SNTG1: variants seen among roughly 807,000 people sequenced by gnomAD.
SNTG1 encodes the protein gamma-1-syntrophin.
SNTG1 carries 39 observed loss-of-function variants against 74.7 expected under a neutral mutation model. The ratio of observed to expected loss-of-function variants is 0.52; its 90% CI spans 0.40 to 0.68. SNTG1 has a LOEUF of 0.68. Among genes scored for constraint, SNTG1 ranks in the 30% least tolerant of loss-of-function variants. SNTG1 has a pLI of 0.00. For missense variants in SNTG1, 685 were observed against 609.5 expected (o/e 1.12, Z -1.30); for synonymous variants, 254 against 217.1 (o/e 1.17, Z -1.49).
intron 13 of SNTG1, among the ~76,000 whole-genome samples, chr8:50,651,405 T>C (rs549220195): frequency 6.6e-6 from 1 of 152,276 alleles, no homozygotes; most frequent in South Asian, 2.1e-4. Flanking sequence ...CCCTCAAGTT[T>C]GATATTTCAT....
chr8:50,757,418 G>T (rs1054988417), intron 18 of SNTG1, among the ~76,000 whole-genome samples: 1 of 151,588 alleles, frequency 6.6e-6, no homozygotes. Flanking sequence ...TTTATTTACC[G>T]TTGCTTAATG....
chr8:50,413,771 T>C (rs1218926581), intron 4 of SNTG1, among the ~76,000 whole-genome samples: 1 of 152,176 alleles, frequency 6.6e-6, no homozygotes. Flanking sequence ...TTGTCTGCCC[T>C]CTGTGGACTC....
intron 15 of SNTG1, among the ~76,000 whole-genome samples, chr8:50,691,648 G>A (rs2095380109): frequency 6.6e-6 from 1 of 152,122 alleles, no homozygotes; most frequent in East Asian, 1.9e-4. Context: ...CCCTTTGTGG[G>A]TAACCCAACC....
At chr8:50,580,222 T>C (rs2094601542) in intron 12 of SNTG1, among the ~76,000 whole-genome samples, 2 of 152,204 alleles carry the variant, frequency 1.3e-5, no homozygotes, top group South Asian at 4.1e-4. Context: ...TTTTGACAAA[T>C]TTGTCCCATT....
At chr8:50,320,771 C>T (rs1275933422) in intron 2 of SNTG1, among the ~76,000 whole-genome samples, 2 of 151,928 alleles carry the variant, frequency 1.3e-5, no homozygotes, top group African/African-American at 4.8e-5. Context: ...TTCATTGACC[C>T]ACTCATCATT....
At chr8:49,943,158 A>G (rs551829881) in intron 1 of SNTG1, among the ~76,000 whole-genome samples, 21 of 152,276 alleles carry the variant, frequency 1.4e-4, no homozygotes, top group African/African-American at 4.8e-4. Flanking sequence ...ACCCTGTTCA[A>G]AAAGAAGTTG....
At chr8:50,068,546 A>G (rs1170572390) in intron 1 of SNTG1, among the ~76,000 whole-genome samples, 1 of 152,158 alleles carries the variant, frequency 6.6e-6, no homozygotes, top group Non-Finnish European at 1.5e-5. Context: ...GCCAGCCAGG[A>G]CAGTTCCTAG....
intron 1 of SNTG1, among the ~76,000 whole-genome samples, chr8:50,131,603 T>C (rs2081319800): frequency 1.3e-5 from 2 of 152,166 alleles, no homozygotes; most frequent in African/African-American, 4.8e-5. Flanking sequence ...GTCTAGGTTG[T>C]TTTCATATCT....
intron 1 of SNTG1, among the ~76,000 whole-genome samples, chr8:50,057,583 A>T (rs1339211990): frequency 6.6e-6 from 1 of 152,132 alleles, no homozygotes; most frequent in African/African-American, 2.4e-5. Context: ...CAAAATCTGT[A>T]AAATGGAGGT....
chr8:50,233,471 G>T (rs2085734804), intron 2 of SNTG1, among the ~76,000 whole-genome samples: 1 of 151,632 alleles, frequency 6.6e-6, no homozygotes, highest in Admixed American at 6.6e-5. Context: ...AAAACTTTGA[G>T]AATAAAATAT....
intron 4 of SNTG1, among the ~76,000 whole-genome samples, chr8:50,426,385 C>T (rs1278756151): frequency 6.6e-6 from 1 of 151,890 alleles, no homozygotes; most frequent in African/African-American, 2.4e-5. Flanking sequence ...TCTTAATGAT[C>T]CTGACCCTGT....
chr8:50,519,397 A>G (rs1019959682), intron 9 of SNTG1, among the ~76,000 whole-genome samples: 13 of 152,194 alleles, frequency 8.5e-5, no homozygotes, highest in African/African-American at 2.9e-4. Flanking sequence ...CCAGCACAAG[A>G]CAAGGATGCC....
intron 1 of SNTG1, among the ~76,000 whole-genome samples, chr8:50,110,689 A>G (rs937605498): frequency 6.6e-6 from 1 of 152,174 alleles, no homozygotes; most frequent in Non-Finnish European, 1.5e-5. Context: ...AAATATATTT[A>G]GTACACATTG....
chr8:50,333,557 T>C (rs1206991919), intron 2 of SNTG1, among the ~76,000 whole-genome samples: 1 of 152,236 alleles, frequency 6.6e-6, no homozygotes, highest in East Asian at 1.9e-4. Flanking sequence ...ACTTTCTTAT[T>C]TCTTATTATG....
intron 2 of SNTG1, among the ~76,000 whole-genome samples, chr8:50,244,133 G>A (rs768424420): frequency 6.6e-6 from 1 of 152,170 alleles, no homozygotes; most frequent in Admixed American, 6.5e-5. Context: ...AGACATGCAG[G>A]AGCAAGAGAC....
chr8:50,728,784 C>T (rs1469345015), intron 17 of SNTG1, among the ~76,000 whole-genome samples: 1 of 152,152 alleles, frequency 6.6e-6, no homozygotes, highest in Non-Finnish European at 1.5e-5. Context: ...CCTCGGACCC[C>T]TTTTTCCCTA....
intron 1 of SNTG1, among the ~76,000 whole-genome samples, chr8:49,917,230 T>C (rs1325705119): frequency 6.6e-6 from 1 of 152,158 alleles, no homozygotes; most frequent in Non-Finnish European, 1.5e-5. Flanking sequence ...TTAATTTAAC[T>C]GCTCAGCTAT....
chr8:50,785,676 G>A (rs551667976), intron 18 of SNTG1, among the ~76,000 whole-genome samples: 4 of 151,980 alleles, frequency 2.6e-5, no homozygotes, highest in South Asian at 4.1e-4. Context: ...TTTGAGATTC[G>A]AATTAGCTTC....
intron 2 of SNTG1, among the ~76,000 whole-genome samples, chr8:50,314,099 A>C (rs1054759237): frequency 1.3e-5 from 2 of 149,712 alleles, no homozygotes; most frequent in African/African-American, 5.0e-5. Context: ...ACCCACAGCC[A>C]TGAGCTCATC....
Sources: gnomAD v4.1 joint callset for allele counts (sites outside exome capture counted in the v4.1 genomes callset) on GRCh38, gnomAD v4.1.1 for gene constraint, MANE v1.5 for transcripts, NCBI Gene and HGNC (gene_info 2026-07-23, HGNC 2026-07-21) for gene names.